KATNIP: variants seen among roughly 807,000 people sequenced by gnomAD.
KATNIP encodes the protein katanin interacting protein.
KATNIP carries 126 observed loss-of-function variants against 174.0 expected under a neutral mutation model. That is an observed-to-expected ratio of 0.72 (90% CI 0.63 to 0.84). KATNIP has a LOEUF of 0.84. Ranked by LOEUF, KATNIP falls within the 40% of genes least tolerant of loss-of-function variation. KATNIP has a pLI of 0.00. For synonymous variants in KATNIP, 810 were observed against 835.7 expected (o/e 0.97, Z 0.53); for missense variants, 1,958 against 2,109.7 (o/e 0.93, Z 1.41).
intron 2 of KATNIP, among the ~76,000 whole-genome samples, chr16:27,603,195 A>C (rs189760272): frequency 5.4e-4 from 83 of 152,302 alleles, no homozygotes; most frequent in African/African-American, 1.8e-3. Flanking sequence ...GTACTTGGGG[A>C]AGTTGCAAAT....
intron 6 of KATNIP, among the ~76,000 whole-genome samples, chr16:27,665,560 A>T (rs1310051732): frequency 6.6e-6 from 1 of 151,846 alleles, no homozygotes; most frequent in Non-Finnish European, 1.5e-5. Flanking sequence ...GTATTTCTTC[A>T]TAGCAGGGTG....
chr16:27,654,087 T>G (rs956739351), intron 6 of KATNIP, among the ~76,000 whole-genome samples: 1 of 152,220 alleles, frequency 6.6e-6, no homozygotes, highest in African/African-American at 2.4e-5. Context: ...GCAGTTCTTC[T>G]GCCTCAGCCT....
intron 21 of KATNIP, among the ~76,000 whole-genome samples, chr16:27,770,670 G>A (rs12922145): frequency 0.07 from 10,620 of 152,282 alleles, 523 homozygotes; most frequent in Middle Eastern, 0.14. Flanking sequence ...ACCAGGGAGA[G>A]GGGCCCCGTC....
At chr16:27,573,218 T>A (rs1209535170) in intron 1 of KATNIP, among the ~76,000 whole-genome samples, 1 of 152,270 alleles carries the variant, frequency 6.6e-6, no homozygotes, top group African/African-American at 2.4e-5. Context: ...ACTCTTGTTT[T>A]ATATTTTCAA....
chr16:27,756,723 A>G (rs539559097), intron 18 of KATNIP, among the ~76,000 whole-genome samples: 41 of 152,270 alleles, frequency 2.7e-4, no homozygotes, highest in Non-Finnish European at 5.3e-4. Context: ...GGGATGAATA[A>G]TGGAAATTTA....
At chr16:27,738,725 T>C (rs1365243186) in intron 14 of KATNIP, among the ~76,000 whole-genome samples, 6 of 152,152 alleles carry the variant, frequency 3.9e-5, no homozygotes, top group Non-Finnish European at 8.8e-5. Flanking sequence ...GTCCAGAAGT[T>C]ACCTACAGGC....
chr16:27,757,427 AG>A, intron 18 of KATNIP: 1 of 897,124 alleles, frequency 1.1e-6, no homozygotes, highest in Non-Finnish European at 1.3e-6. Context: ...GGTCACCAGA[AG>A]GAAGGCAGGA....
chr16:27,751,914 CT>C lies in KATNIP; in HGVS notation c.3543del (p.Asp1182MetfsTer7). The C allele has an allele frequency of 6.2e-7, 1 of 1,608,728 alleles. No individual in the cohort carries two copies. The highest frequency in any genetic ancestry group is 8.5e-7 in the Non-Finnish European group (1 of 1,178,792). On this transcript the variant is annotated frameshift_variant, in exon 17 of 28. Transcript: ENST00000261588. LOFTEE classifies it high-confidence loss of function. ...ERPFTQAGLG[A>X]DERIPELELP... Reference sequence around the variant, plus strand: ...CCCTTCACCCAGGCTGGCTTGGGGGCTGATGAACGGGTAGGACTGGAGCTGG... The same window carrying C: ...CCCTTCACCCAGGCTGGCTTGGGGGCGATGAACGGGTAGGACTGGAGCTGG...
chr16:27,578,332 C>T (rs2090573423), intron 2 of KATNIP, among the ~76,000 whole-genome samples: 1 of 152,008 alleles, frequency 6.6e-6, no homozygotes, highest in Non-Finnish European at 1.5e-5. Context: ...GACTCTATCT[C>T]AAAAAAAGAA....
chr16:27,745,206 T>C (rs139809905), intron 15 of KATNIP, among the ~76,000 whole-genome samples: 1 of 152,340 alleles, frequency 6.6e-6, no homozygotes, highest in East Asian at 1.9e-4. Flanking sequence ...GAATCCTTAA[T>C]GATCACCTTG....
intron 6 of KATNIP, among the ~76,000 whole-genome samples, chr16:27,671,019 C>G (rs570960070): frequency 1.0e-3 from 157 of 152,088 alleles, no homozygotes; most frequent in Non-Finnish European, 1.7e-3. Context: ...TGGGGAAACT[C>G]CATCTCTACT....
At position 27,628,775 on chromosome 16, in the gene KATNIP, GA is replaced by G; in HGVS notation, c.258del (p.Ala87LeufsTer32). ...ANSELKSSPR[K>X]AIHSDFSRSA... ...ATTCGGAGCTGAAATCATCACCGCG[GA>G]AAGCTATTCACTCTGACTTCTCCAG... On this transcript the variant is annotated frameshift_variant, in exon 4 of 28. Transcript: ENST00000261588. LOFTEE classifies it high-confidence loss of function. 1 of 1,614,194 alleles carries G rather than the reference GA, an allele frequency of 6.2e-7. No homozygotes were observed.
At chr16:27,701,993 C>T (rs919327624) in intron 11 of KATNIP, among the ~76,000 whole-genome samples, 1 of 152,166 alleles carries the variant, frequency 6.6e-6, no homozygotes, top group African/African-American at 2.4e-5. Context: ...GGTCTCACAA[C>T]GTTGCCCAGG....
intron 1 of KATNIP, among the ~76,000 whole-genome samples, chr16:27,551,235 A>T (rs73533056): frequency 2.0e-5 from 3 of 152,218 alleles, no homozygotes; most frequent in African/African-American, 7.2e-5. Flanking sequence ...CATTTTTCTA[A>T]TTACAGCACT....
At chr16:27,711,827 T>A (rs2079587787) in intron 13 of KATNIP, among the ~76,000 whole-genome samples, 1 of 152,180 alleles carries the variant, frequency 6.6e-6, no homozygotes. Flanking sequence ...CCCTTCTAGA[T>A]CAGTAGCTCT....
rs370830841 is a variant in KATNIP at position 27,773,246 on chromosome 16, C to T, written c.4309+37C>T. 170 of 1,411,084 alleles carry T rather than the reference C, an allele frequency of 1.2e-4. 2 individuals are homozygous for T. In the African/African-American group the frequency reaches 2.2e-3, roughly 18 times the overall value. The allele number at this position is 1,411,084 out of a possible 1,614,324, so 87.4% of individuals were successfully genotyped here. A position where few individuals can be genotyped will look rare whatever the true frequency, so the allele number is the denominator to read the frequency against. ...AGGACAGGAGTGGGCTCCACCCAGACTGAAGGGAGCATGGGAGGGTCGGGA... is the reference window on the plus strand; with the variant it reads ...AGGACAGGAGTGGGCTCCACCCAGATTGAAGGGAGCATGGGAGGGTCGGGA... On this transcript the variant is annotated intron_variant, in intron 23 of 27. Coordinates refer to ENST00000261588, the MANE Select transcript of KATNIP (RefSeq NM_015202.5).
chr16:27,641,806 G>A (rs937035660), intron 5 of KATNIP, among the ~76,000 whole-genome samples: 2 of 152,196 alleles, frequency 1.3e-5, no homozygotes, highest in African/African-American at 2.4e-5. Context: ...CTGCTGGTCC[G>A]TGGACCACAC....
intron 12 of KATNIP, 112 bp from the exon 13 acceptor site, chr16:27,708,593 G>C: frequency 1.4e-6 from 1 of 713,508 alleles, no homozygotes; most frequent in Non-Finnish European, 2.4e-6. Flanking sequence ...CAGATGGAGA[G>C]ACTGAGACCC....
chr16:27,642,725 C>A (rs945610470), intron 5 of KATNIP, among the ~76,000 whole-genome samples: 3 of 151,944 alleles, frequency 2.0e-5, no homozygotes, highest in African/African-American at 7.2e-5. Context: ...GTCCAAAGGC[C>A]TCTATAGCCC....
Sources: allele counts gnomAD v4.1 joint callset (sites outside exome capture counted in the v4.1 genomes callset), GRCh38; gene constraint gnomAD v4.1.1; transcripts MANE v1.5; gene names NCBI Gene and HGNC (gene_info 2026-07-23, HGNC 2026-07-21).